MAP4K3: variants seen among roughly 807,000 people sequenced by gnomAD.
MAP4K3 encodes the protein mitogen-activated protein kinase kinase kinase kinase 3, also known as MAPK/ERK kinase kinase kinase 3.
In MAP4K3, 94 loss-of-function variants were observed where a neutral mutation model predicts 143.5. The ratio of observed to expected loss-of-function variants is 0.65; its 90% confidence interval spans 0.55 to 0.78. MAP4K3 has a LOEUF of 0.78. MAP4K3 is among the 30% of genes least tolerant of loss of function. MAP4K3 has a pLI of 0.00. For missense variants in MAP4K3, 1,077 were observed against 1,068.1 expected (o/e 1.01, Z -0.12); for synonymous variants, 416 against 347.2 (o/e 1.20, Z -2.20).
chr2:39,352,257 C>A (rs1665482355), intron 3 of MAP4K3, among the ~76,000 whole-genome samples: 1 of 152,090 alleles, frequency 6.6e-6, no homozygotes, highest in South Asian at 2.1e-4. Context: ...TGCCACTGCA[C>A]AGCAGCCTGG....
At chr2:39,343,577 A>G (rs1198927596) in intron 3 of MAP4K3, 125 bp from the exon 4 acceptor site, 2 of 655,942 alleles carry the variant, frequency 3.0e-6, no homozygotes, top group Admixed American at 5.6e-5. Context: ...TTATCTTTAA[A>G]ATAACTAATT....
intron 26 of MAP4K3, 63 bp from the exon 27 acceptor site, chr2:39,267,310 C>T (rs1281621023): frequency 1.6e-6 from 2 of 1,253,558 alleles, no homozygotes; most frequent in Admixed American, 1.7e-5. Flanking sequence ...GAAAAAGCTA[C>T]TGTTATAGAT....
chr2:39,292,232 AATT>A (rs1302051611), intron 18 of MAP4K3, among the ~76,000 whole-genome samples: 2 of 152,220 alleles, frequency 1.3e-5, no homozygotes, highest in Admixed American at 6.5e-5. Flanking sequence ...TACAATAAAA[AATT>A]ATTGTCCTTT....
At chr2:39,287,151 C>T (rs1306838758) in intron 20 of MAP4K3, among the ~76,000 whole-genome samples, 187 bp from the exon 21 acceptor site, 1 of 152,190 alleles carries the variant, frequency 6.6e-6, no homozygotes, top group Non-Finnish European at 1.5e-5. Flanking sequence ...ATTTATACCT[C>T]TATTTCTGGC....
chr2:39,418,989 G>C (rs893274601), intron 1 of MAP4K3, among the ~76,000 whole-genome samples: 1 of 152,120 alleles, frequency 6.6e-6, no homozygotes, highest in African/African-American at 2.4e-5. Flanking sequence ...CCTCAGTTGT[G>C]CCAAATGTAC....
At chr2:39,340,481 A>G (rs1337669803) in intron 4 of MAP4K3, among the ~76,000 whole-genome samples, 3 of 152,242 alleles carry the variant, frequency 2.0e-5, no homozygotes, top group Non-Finnish European at 1.5e-5. Context: ...GCTGACCAGT[A>G]TAAATAAATC....
At chr2:39,356,055 C>T in intron 3 of MAP4K3, 194 bp downstream of exon 3, 1 of 462,946 alleles carries the variant, frequency 2.2e-6, no homozygotes, top group Non-Finnish European at 3.8e-6. Context: ...CTAGAATTCC[C>T]AAGTCATACG....
chr2:39,305,604 T>C (rs1682673613), intron 15 of MAP4K3, among the ~76,000 whole-genome samples: 1 of 152,182 alleles, frequency 6.6e-6, no homozygotes, highest in Non-Finnish European at 1.5e-5. Context: ...CTCTGACAAA[T>C]ATTTCATTCA....
chr2:39,305,985 T>A (rs1298275191), intron 15 of MAP4K3, among the ~76,000 whole-genome samples: 2 of 152,082 alleles, frequency 1.3e-5, no homozygotes, highest in Admixed American at 1.3e-4. Context: ...CATGCCACCA[T>A]GCCTAGCTAA....
chr2:39,337,822 C>T (rs1022077247), intron 4 of MAP4K3, among the ~76,000 whole-genome samples: 6 of 120,936 alleles, frequency 5.0e-5, no homozygotes, highest in Admixed American at 4.6e-4. Context: ...GAGTGTAGTG[C>T]AATCACAGCT....
intron 1 of MAP4K3, among the ~76,000 whole-genome samples, chr2:39,426,058 T>C (rs1197825010): frequency 2.0e-5 from 3 of 152,184 alleles, no homozygotes; most frequent in East Asian, 1.9e-4. Flanking sequence ...GATAATCTGA[T>C]AGTGAAGAAA....
At chr2:39,408,827 C>T (rs368254464) in intron 1 of MAP4K3, among the ~76,000 whole-genome samples, 39 of 152,246 alleles carry the variant, frequency 2.6e-4, no homozygotes, top group Middle Eastern at 3.4e-3. Context: ...TGCCAGAAAG[C>T]AAAGTAACAT....
intron 1 of MAP4K3, among the ~76,000 whole-genome samples, chr2:39,413,610 G>A (rs1667289821): frequency 6.6e-6 from 1 of 152,082 alleles, no homozygotes; most frequent in African/African-American, 2.4e-5. Context: ...AGGTAGAGGT[G>A]CAGAGTCCAG....
intron 12 of MAP4K3, among the ~76,000 whole-genome samples, chr2:39,317,998 A>G (rs1285956058): frequency 6.6e-6 from 1 of 152,170 alleles, no homozygotes; most frequent in African/African-American, 2.4e-5. Flanking sequence ...TAGCAAAGAT[A>G]CTGAATCAAA....
chr2:39,388,892 A>G (rs1277032413), intron 1 of MAP4K3, among the ~76,000 whole-genome samples: 2 of 152,216 alleles, frequency 1.3e-5, no homozygotes, highest in African/African-American at 4.8e-5. Flanking sequence ...AAATTACCAC[A>G]TAATATTATT....
At chr2:39,284,098 T>C (rs1681659619) in intron 21 of MAP4K3, among the ~76,000 whole-genome samples, 1 of 152,204 alleles carries the variant, frequency 6.6e-6, no homozygotes, top group Non-Finnish European at 1.5e-5. Context: ...TATATATTTT[T>C]TCTTATATTG....
intron 3 of MAP4K3, among the ~76,000 whole-genome samples, chr2:39,348,922 AGTATAATTATTTATAT>A (rs1665372375): frequency 6.6e-6 from 1 of 152,174 alleles, no homozygotes; most frequent in Admixed American, 6.5e-5. Context: ...GACCAAACTA[AGTATAATTATTTATAT>A]ATTTTTCTCA....
intron 12 of MAP4K3, among the ~76,000 whole-genome samples, chr2:39,322,510 G>A (rs1473063541): frequency 3.3e-5 from 5 of 151,628 alleles, no homozygotes; most frequent in African/African-American, 1.2e-4. Context: ...AGAAACTACA[G>A]GGGAACTCAA....
chr2:39,345,782 C>T (rs1022407550), intron 3 of MAP4K3, among the ~76,000 whole-genome samples: 2 of 151,602 alleles, frequency 1.3e-5, no homozygotes, highest in African/African-American at 2.4e-5. Context: ...ATTAGCCAGG[C>T]GTGGTGGTGG....
Sources: gnomAD v4.1 joint callset for allele counts (sites outside exome capture counted in the v4.1 genomes callset) on GRCh38, gnomAD v4.1.1 for gene constraint, MANE v1.5 for transcripts, NCBI Gene and HGNC (gene_info 2026-07-23, HGNC 2026-07-21) for gene names.